ADAMTS7: variants seen among roughly 807,000 people sequenced by gnomAD.
ADAMTS7 encodes A disintegrin and metalloproteinase with thrombospondin motifs 7.
In ADAMTS7, 89 loss-of-function variants were observed where a neutral mutation model predicts 172.6. The observed-to-expected ratio is 0.52, with a 90% CI of 0.43 to 0.61. The LOEUF is 0.61. Among genes scored for constraint, ADAMTS7 ranks in the 20% least tolerant of loss-of-function variants. The pLI is 0.00. For missense variants in ADAMTS7, 1,973 were observed against 2,355.6 expected (o/e 0.84, Z 3.36); for synonymous variants, 885 against 978.4 (o/e 0.90, Z 1.78).
rs570820064 is a variant in ADAMTS7, at chr15:78,777,540, G to C, written c.1371C>G (p.Ile457Met). ...CLDDPPAKDI[I>M]DFPSVPPGVL... Reference sequence around the variant, plus strand: ...CGCCAGGTGGCACCGAGGGGAAGTCGATAATGTCCTTGGCAGGAGGGTCGT... The same window carrying C: ...CGCCAGGTGGCACCGAGGGGAAGTCCATAATGTCCTTGGCAGGAGGGTCGT... The change falls in exon 9 of 24, where the codon ATC (isoleucine) becomes ATG (methionine). Residue 457 changes from isoleucine to methionine, a missense_variant. Coordinates refer to ENST00000388820, the MANE Select transcript of ADAMTS7 (RefSeq NM_014272.5). The C allele has an allele frequency of 6.2e-7, 1 of 1,607,904 alleles. No individual in the cohort carries two copies. The highest frequency in any genetic ancestry group is 8.5e-7 in the Non-Finnish European group (1 of 1,176,724).
chr15:78,795,964 G>A (rs961534178), intron 4 of ADAMTS7, among the ~76,000 whole-genome samples: 15 of 152,106 alleles, frequency 9.9e-5, no homozygotes, highest in Non-Finnish European at 1.5e-4. Flanking sequence ...CAAGTTACTC[G>A]CCCTCTGAAG....
At position 78,798,074 on chromosome 15, in the gene ADAMTS7, C is replaced by T. The variant is rs1567238385; in HGVS notation, c.496G>A (p.Glu166Lys). Residue 166 changes from glutamate to lysine, a missense_variant, in exon 3 of 24, where the codon GAG (glutamate) becomes AAG (lysine). Physicochemically the swap from Glu to Lys is moderately conservative, Grantham distance 56. Transcript: ENST00000388820. Reference protein sequence around the residue: ...FQLSNEDYFIEPLDSAPARPG... With the variant: ...FQLSNEDYFIKPLDSAPARPG... ...CGGGCCGGGGCACTGTCCAGGGGCT[C>T]AATGAAGTAGTCCTCGTTGGAGAGC... The T allele has an allele frequency of 1.3e-6, 2 of 1,564,520 alleles. No individual in the cohort carries two copies. Among genetic ancestry groups the T allele is most frequent in the African/African-American group, 2.8e-5 (2 of 71,006 alleles).
At chr15:78,792,026 G>A (rs1281632481) in intron 4 of ADAMTS7, among the ~76,000 whole-genome samples, 2 of 152,208 alleles carry the variant, frequency 1.3e-5, no homozygotes, top group Non-Finnish European at 2.9e-5. Context: ...GGGCAGGGAT[G>A]GCAGAACAGG....
At chr15:78,765,144 G>C in intron 19 of ADAMTS7, 1 of 202,400 alleles carries the variant, frequency 4.9e-6, no homozygotes, top group South Asian at 1.3e-4. Flanking sequence ...CCCAAAATTA[G>C]GGATCTGAAC....
chr15:78,810,957 ACCCCGACTACTGT>A (rs1459364104), intron 1 of ADAMTS7, 151 bp downstream of exon 1: 4 of 767,198 alleles, frequency 5.2e-6, no homozygotes, highest in Non-Finnish European at 7.0e-6. Context: ...GCCCGGCCCG[ACCCCGACTACTGT>A]CCCCTAATAC....
At chr15:78,777,612 A>AG (rs556206528) in intron 8 of ADAMTS7, 24 bp from the exon 9 acceptor site, 7 of 1,588,930 alleles carry the variant, frequency 4.4e-6, no homozygotes, top group Admixed American at 1.8e-5. Flanking sequence ...GGGAGGATGG[A>AG]GGGGGGCGCA....
chr15:78,777,010 A>G, intron 9 of ADAMTS7, 169 bp from the exon 10 acceptor site: 1 of 632,648 alleles, frequency 1.6e-6, no homozygotes, highest in South Asian at 1.9e-5. Flanking sequence ...TCCTCCCCGG[A>G]CCATGTGGTG....
chr15:78,795,422 G>A (rs975728328), intron 4 of ADAMTS7, among the ~76,000 whole-genome samples: 2 of 152,250 alleles, frequency 1.3e-5, no homozygotes, highest in Admixed American at 6.5e-5. Flanking sequence ...ACTCACTGAT[G>A]AGGACTCAAG....
intron 7 of ADAMTS7, 40 bp from the exon 8 acceptor site, chr15:78,788,414 G>T (rs371089451): frequency 6.2e-7 from 1 of 1,604,014 alleles, no homozygotes; most frequent in Non-Finnish European, 8.5e-7. Flanking sequence ...GTGAGCCGGC[G>T]GGAGGCTGCC....
At position 78,764,552 on chromosome 15, in the gene ADAMTS7, C is replaced by T. The variant is rs372136422; in HGVS notation, c.4419+3G>A. 1.3e-4 allele frequency: 201 copies of T among 1,545,836 alleles called. 1 individual carries two copies. The highest frequency in any genetic ancestry group is 1.6e-4 in the Non-Finnish European group (183 of 1,153,122). Reference sequence around the variant, plus strand: ...TGCCTGTCCTGGCTCCATCCTCACGCACCTTACTCCAGTTGCCTGAGTGCC... The same window carrying T: ...TGCCTGTCCTGGCTCCATCCTCACGTACCTTACTCCAGTTGCCTGAGTGCC... On this transcript the variant is annotated splice_donor_region_variant and intron_variant, in intron 20 of 23. Coordinates refer to ENST00000388820, the MANE Select transcript of ADAMTS7 (RefSeq NM_014272.5).
chr15:78,794,450 C>A (rs1347333059), intron 4 of ADAMTS7, among the ~76,000 whole-genome samples: 1 of 152,238 alleles, frequency 6.6e-6, no homozygotes, highest in East Asian at 1.9e-4. Context: ...GGGGGTCCAG[C>A]ACTGTCAGGC....
At chr15:78,795,744 CA>C (rs1429343724) in intron 4 of ADAMTS7, among the ~76,000 whole-genome samples, 1 of 152,172 alleles carries the variant, frequency 6.6e-6, no homozygotes, top group Non-Finnish European at 1.5e-5. Flanking sequence ...CTAAGAATGC[CA>C]GGGGCAGAGA....
chr15:78,795,279 T>A lies in ADAMTS7; in HGVS notation c.819+1311A>T, dbSNP rs1486279338. On this transcript the variant is annotated intron_variant, in intron 4 of 23. Coordinates refer to ENST00000388820, the MANE Select transcript of ADAMTS7 (RefSeq NM_014272.5). ...GAACCCTGGCTGTTAGTGGCTCCCC[T>A]CCCTGGGCAGATGAAGCTTGATCTG... Among the ~76,000 whole-genome samples, 4 of 152,268 alleles carry A rather than the reference T, an allele frequency of 2.6e-5. No individual in the cohort carries two copies. In the East Asian group the frequency reaches 7.7e-4, roughly 29 times the overall value.
At position 78,763,828 on chromosome 15, in the gene ADAMTS7, G is replaced by A. The variant is rs369677594; in HGVS notation, c.4611C>T (p.Gly1537=). 3.0e-5 allele frequency: 48 copies of A among 1,583,118 alleles called. No individual in the cohort carries two copies. The East Asian group carries it at 3.9e-4, about 13-fold the overall frequency. The change falls in exon 22 of 24, where the codon GGC becomes GGT. Residue 1537 remains glycine (G), a synonymous_variant. Coordinates refer to ENST00000388820, the MANE Select transcript of ADAMTS7 (RefSeq NM_014272.5). Reference sequence around the variant, plus strand: ...TCACTAGACGCTGCTGCTCACCACCGCCACAGGCCTCGGAGCACTGGGTGG... The same window carrying A: ...TCACTAGACGCTGCTGCTCACCACCACCACAGGCCTCGGAGCACTGGGTGG... The part of the protein sequence containing the change: ...SSWRECSEAC[G]GGEQQRLVTC...
chr15:78,764,175 G>A (rs1230806337), intron 20 of ADAMTS7, 76 bp from the exon 21 acceptor site: 2 of 1,362,194 alleles, frequency 1.5e-6, no homozygotes, highest in African/African-American at 4.3e-5. Flanking sequence ...GTGTGTGGCG[G>A]GAAAGGCATC....
intron 1 of ADAMTS7, among the ~76,000 whole-genome samples, chr15:78,808,730 A>C (rs1438252289): frequency 6.6e-6 from 1 of 152,152 alleles, no homozygotes; most frequent in African/African-American, 2.4e-5. Context: ...TCGACCGGTT[A>C]TGTGCTTGCA....
intron 23 of ADAMTS7, chr15:78,762,130 G>C (rs1596169018): frequency 1.0e-6 from 1 of 954,262 alleles, no homozygotes; most frequent in East Asian, 1.2e-4. Context: ...GCAAATCAGG[G>C]GCCAGGGCCA....
chr15:78,793,966 G>A (rs2055612619), intron 4 of ADAMTS7, among the ~76,000 whole-genome samples: 2 of 152,160 alleles, frequency 1.3e-5, no homozygotes, highest in Non-Finnish European at 2.9e-5. Flanking sequence ...TCCTCAACTT[G>A]AAAATGGGGG....
chr15:78,791,965 G>A (rs2055587172), intron 4 of ADAMTS7, among the ~76,000 whole-genome samples: 1 of 77,214 alleles, frequency 1.3e-5, no homozygotes, highest in African/African-American at 3.2e-5. Context: ...AACTCCCTCA[G>A]AACAAAAAAG....
Sources: gnomAD v4.1 joint callset for allele counts (sites outside exome capture counted in the v4.1 genomes callset) on GRCh38, gnomAD v4.1.1 for gene constraint, MANE v1.5 for transcripts, NCBI Gene and HGNC (gene_info 2026-07-23, HGNC 2026-07-21) for gene names.